Variants in PAPPA2 observed in about 807,000 individuals in gnomAD.
PAPPA2 encodes pappalysin-2.
A neutral mutation model predicts 176.4 loss-of-function variants in PAPPA2; 86 were observed. The observed-to-expected ratio is 0.49, with a 90% CI of 0.41 to 0.58. PAPPA2 has a LOEUF of 0.58. Ranked by LOEUF, PAPPA2 falls within the 20% of genes least tolerant of loss-of-function variation. The probability of loss-of-function intolerance (pLI) is 0.00; values close to 1 mark genes in which losing one functional copy is unlikely to be tolerated. For missense variants in PAPPA2, 2,073 were observed against 2,256.9 expected (o/e 0.92, Z 1.65); for synonymous variants, 809 against 852.2 (o/e 0.95, Z 0.88).
intron 2 of PAPPA2, among the ~76,000 whole-genome samples, chr1:176,567,019 G>T (rs893957264): frequency 1.3e-5 from 2 of 152,062 alleles, no homozygotes; most frequent in Non-Finnish European, 2.9e-5. Context: ...ACATTATTCT[G>T]GGGGCTCATC....
At chr1:176,706,065 T>G (rs1010098139) in intron 9 of PAPPA2, among the ~76,000 whole-genome samples, 2 of 152,106 alleles carry the variant, frequency 1.3e-5, no homozygotes, top group African/African-American at 2.4e-5. Context: ...CCCAGAAACA[T>G]CATCAGGACC....
intron 14 of PAPPA2, among the ~76,000 whole-genome samples, chr1:176,756,641 C>A (rs186860543): frequency 3.3e-5 from 5 of 152,164 alleles, no homozygotes; most frequent in Non-Finnish European, 7.4e-5. Flanking sequence ...TGAAAGAGAG[C>A]ACTTTTGGCT....
intron 20 of PAPPA2, among the ~76,000 whole-genome samples, chr1:176,796,217 A>G (rs954070069): frequency 2.6e-5 from 4 of 152,204 alleles, no homozygotes; most frequent in Admixed American, 2.6e-4. Context: ...CCCTCTAGGC[A>G]TCAAGTGTCC....
At chr1:176,601,467 T>A (rs1654317683) in intron 3 of PAPPA2, among the ~76,000 whole-genome samples, 1 of 152,116 alleles carries the variant, frequency 6.6e-6, no homozygotes, top group African/African-American at 2.4e-5. Context: ...GCATCAAACA[T>A]CTGCAACCCA....
intron 3 of PAPPA2, among the ~76,000 whole-genome samples, chr1:176,667,906 G>T (rs1191544915): frequency 3.9e-5 from 6 of 152,106 alleles, no homozygotes; most frequent in African/African-American, 1.4e-4. Flanking sequence ...TTGTTTAGTT[G>T]GGAACCAAGC....
At chr1:176,800,771 C>T (rs1392938760) in intron 21 of PAPPA2, among the ~76,000 whole-genome samples, 1 of 152,108 alleles carries the variant, frequency 6.6e-6, no homozygotes, top group Non-Finnish European at 1.5e-5. Flanking sequence ...ACCTGGTGGG[C>T]ACCCCTTGTT....
chr1:176,822,260 A>G (rs1412628522), intron 21 of PAPPA2, among the ~76,000 whole-genome samples: 1 of 151,780 alleles, frequency 6.6e-6, no homozygotes, highest in Non-Finnish European at 1.5e-5. Flanking sequence ...GTTCTTCATG[A>G]CTCTTGGCTC....
In PAPPA2 at chr1:176,556,151, G is replaced by C. The variant is rs1488359230; in HGVS notation, c.-172G>C. 2 of 752,382 alleles carry C rather than the reference G, an allele frequency of 2.7e-6. No individual in the cohort carries two copies. The highest frequency in any genetic ancestry group is 5.6e-5 in the Admixed American group (2 of 35,940). 46.6% of individuals were successfully genotyped at this position (752,382 alleles called of 1,614,324 possible). A position where few individuals can be genotyped will look rare whatever the true frequency, so the allele number is the denominator to read the frequency against. On this transcript the variant is annotated 5_prime_UTR_variant, in exon 2 of 23. Transcript: ENST00000367662. ...CCACACTGGCAGAGCGGCCAGCACA[G>C]GTAGCCAGCAGAGGCATTCTTGGGG... is the stretch of plus-strand genomic sequence containing the variant.
intron 1 of PAPPA2, among the ~76,000 whole-genome samples, chr1:176,487,720 C>T (rs1298451850): frequency 6.6e-6 from 1 of 151,878 alleles, no homozygotes; most frequent in Non-Finnish European, 1.5e-5. Flanking sequence ...GAGGTTGAGG[C>T]CAAAGACAAA....
chr1:176,468,384 G>T (rs1287310476), intron 1 of PAPPA2, among the ~76,000 whole-genome samples: 6 of 152,094 alleles, frequency 3.9e-5, no homozygotes, highest in Admixed American at 3.3e-4. Context: ...CTAGGGAGGG[G>T]GTATCAGTTT....
intron 1 of PAPPA2, among the ~76,000 whole-genome samples, chr1:176,492,116 A>G (rs917587134): frequency 6.6e-6 from 1 of 152,164 alleles, no homozygotes; most frequent in Non-Finnish European, 1.5e-5. Context: ...CCAATGACAA[A>G]CATCCCTACA....
chr1:176,703,603 G>A (rs943040262), intron 9 of PAPPA2, among the ~76,000 whole-genome samples: 3 of 152,164 alleles, frequency 2.0e-5, no homozygotes, highest in Admixed American at 1.3e-4. Flanking sequence ...AAAATATATC[G>A]TATATTGAAG....
intron 5 of PAPPA2, among the ~76,000 whole-genome samples, chr1:176,691,632 C>A (rs1573261554): frequency 6.6e-6 from 1 of 152,346 alleles, no homozygotes; most frequent in African/African-American, 2.4e-5. Context: ...GCTAAAGAGA[C>A]CTTGCCAGAT....
chr1:176,613,730 A>G (rs575095136), intron 3 of PAPPA2, among the ~76,000 whole-genome samples: 2 of 152,188 alleles, frequency 1.3e-5, no homozygotes, highest in Non-Finnish European at 2.9e-5. Context: ...AGAGTAGATG[A>G]TTCTGGGGAA....
chr1:176,716,880 G>A (rs1661404132), intron 12 of PAPPA2, among the ~76,000 whole-genome samples: 1 of 151,874 alleles, frequency 6.6e-6, no homozygotes, highest in African/African-American at 2.4e-5. Context: ...CAAAGTGCTG[G>A]GATTACAGGT....
intron 1 of PAPPA2, among the ~76,000 whole-genome samples, chr1:176,486,360 C>G (rs1572958899): frequency 6.6e-6 from 1 of 152,014 alleles, no homozygotes; most frequent in South Asian, 2.1e-4. Context: ...TGTGCCAGAG[C>G]CTGGGATATT....
At chr1:176,482,408 C>A (rs1173427187) in intron 1 of PAPPA2, among the ~76,000 whole-genome samples, 1 of 152,180 alleles carries the variant, frequency 6.6e-6, no homozygotes, top group African/African-American at 2.4e-5. Context: ...GGGCGAGTCA[C>A]TAAACTCATC....
chr1:176,767,392 T>A (rs1664024660), intron 15 of PAPPA2, among the ~76,000 whole-genome samples: 1 of 151,928 alleles, frequency 6.6e-6, no homozygotes, highest in Admixed American at 6.6e-5. Context: ...CAGGCTGGAG[T>A]GCAATGGCAC....
intron 12 of PAPPA2, among the ~76,000 whole-genome samples, chr1:176,725,009 C>T (rs1661799663): frequency 6.6e-6 from 1 of 152,070 alleles, no homozygotes; most frequent in African/African-American, 2.4e-5. Flanking sequence ...GTTTTGGAAA[C>T]ATTTTCTATA....
Sources: gnomAD v4.1 joint callset for allele counts (sites outside exome capture counted in the v4.1 genomes callset) on GRCh38, gnomAD v4.1.1 for gene constraint, MANE v1.5 for transcripts, NCBI Gene and HGNC (gene_info 2026-07-23, HGNC 2026-07-21) for gene names.